MFHAS1: variants seen among roughly 807,000 people sequenced by gnomAD.
MFHAS1 encodes malignant fibrous histiocytoma-amplified sequence 1.
Under a neutral mutation model 70.4 loss-of-function variants are expected in MFHAS1, and 50 were observed. That is an observed-to-expected ratio of 0.71 (90% confidence interval 0.57 to 0.90). The LOEUF (loss-of-function observed/expected upper bound fraction) is 0.90, where lower values mean the gene tolerates loss of function less well. MFHAS1 is among the 40% of genes least tolerant of loss of function. The pLI, the probability that MFHAS1 is intolerant of heterozygous loss-of-function variation, is 0.00. For missense variants in MFHAS1, 1,795 were observed against 1,347.6 expected, an observed-to-expected ratio of 1.33 and a Z score of -5.20; for synonymous variants, 952 against 620.0, an observed-to-expected ratio of 1.54 and a Z score of -7.96.
At chr8:8,839,436 T>C (rs1300409713) in intron 1 of MFHAS1, among the ~76,000 whole-genome samples, 1 of 152,196 alleles carries the variant, frequency 6.6e-6, no homozygotes, top group Admixed American at 6.5e-5. Flanking sequence ...TTTAACCAGA[T>C]GGCCCCTTTA....
intron 1 of MFHAS1, among the ~76,000 whole-genome samples, chr8:8,800,428 C>G (rs1395242044): frequency 2.0e-5 from 3 of 152,202 alleles, no homozygotes; most frequent in Non-Finnish European, 2.9e-5. Flanking sequence ...CATGTTCGAG[C>G]TAGACTGGAA....
chr8:8,803,044 T>C (rs189954458), intron 1 of MFHAS1, among the ~76,000 whole-genome samples: 2 of 152,182 alleles, frequency 1.3e-5, no homozygotes, highest in African/African-American at 2.4e-5. Flanking sequence ...CTAAGCCACA[T>C]ATACTCTTAA....
intron 1 of MFHAS1, among the ~76,000 whole-genome samples, chr8:8,882,155 C>A (rs1357795218): frequency 1.3e-5 from 2 of 152,020 alleles, no homozygotes; most frequent in African/African-American, 4.8e-5. Flanking sequence ...CCAAAGCGGG[C>A]AGACCACCTG....
rs1807120069 is a variant in MFHAS1, at chr8:8,825,352, T to C, written c.2999-27861A>G. Among the ~76,000 whole-genome samples, 4 of 152,216 alleles carry C rather than the reference T, an allele frequency of 2.6e-5. No homozygotes were observed. The South Asian group carries it at 8.3e-4, about 31-fold the overall frequency. On this transcript the variant is annotated intron_variant, in intron 1 of 2. Transcript: ENST00000276282. ...CACACTCAGCTAATTTTTGTGTTTGTAGCAGAGACAGAGTTTCACCATGTT... is the reference window on the plus strand; with the variant it reads ...CACACTCAGCTAATTTTTGTGTTTGCAGCAGAGACAGAGTTTCACCATGTT...
intron 1 of MFHAS1, among the ~76,000 whole-genome samples, chr8:8,858,911 A>G (rs866548458): frequency 1.3e-5 from 2 of 152,238 alleles, no homozygotes; most frequent in Non-Finnish European, 2.9e-5. Context: ...TATATAGAGG[A>G]ACACAAGCCA....
chr8:8,868,842 A>G (rs1808962779), intron 1 of MFHAS1, among the ~76,000 whole-genome samples: 1 of 152,216 alleles, frequency 6.6e-6, no homozygotes, highest in African/African-American at 2.4e-5. Flanking sequence ...TCTCACTCAG[A>G]TTCTAAAGAA....
At chr8:8,826,877 C>T (rs931619867) in intron 1 of MFHAS1, among the ~76,000 whole-genome samples, 5 of 152,158 alleles carry the variant, frequency 3.3e-5, no homozygotes, top group African/African-American at 1.2e-4. Context: ...TAAGGAAACA[C>T]ACCCACATAA....
chr8:8,829,725 G>C (rs1042406161), intron 1 of MFHAS1, among the ~76,000 whole-genome samples: 1 of 152,204 alleles, frequency 6.6e-6, no homozygotes, highest in Non-Finnish European at 1.5e-5. Flanking sequence ...AAAGGAGATT[G>C]CGTGGGGTAT....
At chr8:8,844,433 A>G (rs1489456498) in intron 1 of MFHAS1, among the ~76,000 whole-genome samples, 1 of 152,210 alleles carries the variant, frequency 6.6e-6, no homozygotes, top group Non-Finnish European at 1.5e-5. Context: ...CTTGTTTACC[A>G]AAATACAAAT....
rs751061437 is a variant in MFHAS1 at position 8,890,727 on chromosome 8, C to T, written c.2332G>A (p.Glu778Lys). The change falls in exon 1 of 3, where the codon GAA becomes AAA. Residue 778 changes from glutamate to lysine, a missense_variant. Glu to Lys is a moderately conservative substitution (Grantham distance 56). Transcript: ENST00000276282. ...TGGAGCTGGGTGGCCCGGAGCAGTTCCTGGCTGGGGGTGGACCGCGCCATG... is the reference window on the plus strand; with the variant it reads ...TGGAGCTGGGTGGCCCGGAGCAGTTTCTGGCTGGGGGTGGACCGCGCCATG... The part of the protein sequence containing the change: ...PPMARSTPSQ[E>K]LLRATQLHQY... 1.7e-5 allele frequency: 27 copies of T among 1,613,566 alleles called. No individual in the cohort carries two copies. In the South Asian group the frequency reaches 1.9e-4, roughly 11 times the overall value.
At chr8:8,865,397 T>C (rs1808820062) in intron 1 of MFHAS1, among the ~76,000 whole-genome samples, 1 of 143,420 alleles carries the variant, frequency 7.0e-6, no homozygotes, top group South Asian at 2.2e-4. Context: ...AAGGCAAAAA[T>C]CAGAAACTCC....
intron 1 of MFHAS1, among the ~76,000 whole-genome samples, chr8:8,855,132 C>G (rs890725638): frequency 2.6e-5 from 4 of 152,128 alleles, no homozygotes. Flanking sequence ...TTTTTTATTT[C>G]TTGTTGAGAG....
intron 2 of MFHAS1, among the ~76,000 whole-genome samples, chr8:8,795,511 A>T (rs1266988020): frequency 6.6e-6 from 1 of 152,246 alleles, no homozygotes; most frequent in Non-Finnish European, 1.5e-5. Flanking sequence ...ATGATAGTTA[A>T]ATAGTACTCT....
At chr8:8,853,647 A>G (rs1322435048) in intron 1 of MFHAS1, among the ~76,000 whole-genome samples, 5 of 152,036 alleles carry the variant, frequency 3.3e-5, no homozygotes, top group Non-Finnish European at 7.4e-5. Flanking sequence ...GCTCACTGCA[A>G]ACTCCGCCTC....
intron 1 of MFHAS1, chr8:8,821,911 C>G (rs915388281): frequency 4.6e-5 from 7 of 152,306 alleles, no homozygotes; most frequent in Non-Finnish European, 1.0e-4. Context: ...GCTTTGGGGT[C>G]TGGCTCCAGC....
chr8:8,875,786 T>A (rs527295794), intron 1 of MFHAS1, among the ~76,000 whole-genome samples: 2 of 152,070 alleles, frequency 1.3e-5, no homozygotes, highest in South Asian at 4.2e-4. Context: ...AGAGACGGGG[T>A]TTCACCATGT....
chr8:8,864,621 A>G (rs1808789996), intron 1 of MFHAS1, among the ~76,000 whole-genome samples: 1 of 152,234 alleles, frequency 6.6e-6, no homozygotes, highest in Non-Finnish European at 1.5e-5. Flanking sequence ...CACAATGAGC[A>G]TAAAATTAGC....
At chr8:8,810,114 C>T (rs567701498) in intron 1 of MFHAS1, among the ~76,000 whole-genome samples, 3 of 152,350 alleles carry the variant, frequency 2.0e-5, no homozygotes, top group Admixed American at 2.0e-4. Context: ...CGCCTGTAAT[C>T]CCATCACTTT....
At chr8:8,810,894 G>A (rs1038241150) in intron 1 of MFHAS1, among the ~76,000 whole-genome samples, 7 of 152,170 alleles carry the variant, frequency 4.6e-5, no homozygotes, top group African/African-American at 1.7e-4. Context: ...GAGAAGGAGT[G>A]AAGGTTGGGA....
Sources: allele counts gnomAD v4.1 joint callset (sites outside exome capture counted in the v4.1 genomes callset), GRCh38; gene constraint gnomAD v4.1.1; transcripts MANE v1.5; gene names NCBI Gene and HGNC (gene_info 2026-07-23, HGNC 2026-07-21).